Variants in KLRG1 observed in about 807,000 individuals in gnomAD.
KLRG1 encodes the protein killer cell lectin like receptor G1, also known as killer cell lectin-like receptor subfamily G member 1.
In KLRG1, 16 loss-of-function variants were observed where a neutral mutation model predicts 21.8. That is an observed-to-expected ratio of 0.73 (90% confidence interval 0.50 to 1.11). The LOEUF (loss-of-function observed/expected upper bound fraction) is 1.11. KLRG1 is among the 50% of genes most tolerant of loss of function. KLRG1 has a pLI of 0.00. For missense variants in KLRG1, 173 were observed against 218.3 expected (o/e 0.79, Z 1.31); for synonymous variants, 69 against 75.9 (o/e 0.91, Z 0.47).
the KLRG1 span, among the ~76,000 whole-genome samples, chr12:9,094,358 T>TATATATATATAC: frequency 6.9e-6 from 1 of 143,988 alleles, no homozygotes; most frequent in Admixed American, 6.9e-5. Context: ...TATATATATA[T>TATATATATATAC]ATATATATAT....
the KLRG1 span, chr12:9,101,157 C>T: frequency 1.3e-6 from 2 of 1,560,360 alleles, no homozygotes; most frequent in South Asian, 2.4e-5. Flanking sequence ...CTTCCTGCTT[C>T]ACAAGCAGTC....
At chr12:9,032,338 C>T in the KLRG1 span, among the ~76,000 whole-genome samples, 1 of 152,214 alleles carries the variant, frequency 6.6e-6, no homozygotes, top group African/African-American at 2.4e-5. Flanking sequence ...ACCAACAGCC[C>T]ATATCAGGAA....
chr12:9,215,036 C>T, the KLRG1 span, among the ~76,000 whole-genome samples: 11 of 151,974 alleles, frequency 7.2e-5, no homozygotes, highest in Non-Finnish European at 1.5e-4. Flanking sequence ...TTTTTTCCCT[C>T]TCATTCCATA....
At chr12:9,149,447 G>A in the KLRG1 span, 2 of 1,043,270 alleles carry the variant, frequency 1.9e-6, no homozygotes, top group African/African-American at 1.6e-5. Flanking sequence ...GTGAGGACAT[G>A]CCATGTGGAT....
chr12:9,067,945 C>G, the KLRG1 span: 8 of 1,155,548 alleles, frequency 6.9e-6, no homozygotes, highest in Non-Finnish European at 1.0e-5. Flanking sequence ...GAAACCTAAT[C>G]AGTACAGTGG....
intron 3 of KLRG1, among the ~76,000 whole-genome samples, chr12:9,006,150 C>G (rs932644548): frequency 3.3e-5 from 5 of 152,228 alleles, no homozygotes; most frequent in Non-Finnish European, 5.9e-5. Flanking sequence ...TTATCCTGCT[C>G]TGATCATTAC....
chr12:9,068,914 A>G, the KLRG1 span: 3 of 1,138,094 alleles, frequency 2.6e-6, no homozygotes, highest in Non-Finnish European at 3.7e-6. Flanking sequence ...TTAAGTATTC[A>G]CCTGTTTTTT....
chr12:9,020,940 TG>T, the KLRG1 span, among the ~76,000 whole-genome samples: 1 of 152,184 alleles, frequency 6.6e-6, no homozygotes, highest in South Asian at 2.1e-4. Flanking sequence ...ACTACATACC[TG>T]GGCTATATGG....
At chr12:9,136,326 T>A in the KLRG1 span, among the ~76,000 whole-genome samples, 2 of 152,326 alleles carry the variant, frequency 1.3e-5, no homozygotes, top group South Asian at 2.1e-4. Context: ...GTAAAAGTAT[T>A]TTCATCTATT....
chr12:9,106,612 A>C, the KLRG1 span: 1 of 1,462,368 alleles, frequency 6.8e-7, no homozygotes, highest in Non-Finnish European at 9.4e-7. Flanking sequence ...TTAGCTAAGA[A>C]GGGAGAAAAT....
the KLRG1 span, among the ~76,000 whole-genome samples, chr12:9,085,736 A>C: frequency 6.6e-6 from 1 of 152,098 alleles, no homozygotes; most frequent in Non-Finnish European, 1.5e-5. Flanking sequence ...TTAAAAAGAC[A>C]GACAAAAACT....
the KLRG1 span, chr12:9,169,056 T>G: frequency 2.1e-6 from 2 of 960,722 alleles, no homozygotes; most frequent in Non-Finnish European, 3.3e-6. Flanking sequence ...CTTCTCTATG[T>G]AATTCCAGTA....
the KLRG1 span, chr12:9,093,363 A>T: frequency 1.3e-6 from 1 of 754,892 alleles, no homozygotes; most frequent in South Asian, 1.6e-5. Context: ...CATGTTGTAC[A>T]TCATAAACAT....
intron 3 of KLRG1, among the ~76,000 whole-genome samples, chr12:8,998,664 G>A (rs549054634): frequency 2.9e-4 from 43 of 147,684 alleles, no homozygotes; most frequent in Non-Finnish European, 6.0e-4. Flanking sequence ...ACTCCAGCCT[G>A]GGCAACAGAG....
the KLRG1 span, chr12:9,166,057 T>C: frequency 4.4e-6 from 7 of 1,604,956 alleles, no homozygotes; most frequent in Non-Finnish European, 5.9e-6. Flanking sequence ...CTTACTTCAC[T>C]GCCACCAACT....
chr12:9,110,435 G>T, the KLRG1 span: 1 of 621,382 alleles, frequency 1.6e-6, no homozygotes, highest in Non-Finnish European at 2.6e-6. Flanking sequence ...AACAGGGTGA[G>T]TATAGTAAAA....
At chr12:9,073,059 AC>A in the KLRG1 span, among the ~76,000 whole-genome samples, 85 of 152,350 alleles carry the variant, frequency 5.6e-4, no homozygotes, top group Middle Eastern at 3.4e-3. Context: ...TCACATATCT[AC>A]CTTGGACTGT....
chr12:9,147,621 G>A, the KLRG1 span, among the ~76,000 whole-genome samples: 28,250 of 152,006 alleles, frequency 0.19, 2,981 homozygotes, highest in East Asian at 0.47. Flanking sequence ...TGTGGGACAG[G>A]GGGGAAGCCT....
the KLRG1 span, among the ~76,000 whole-genome samples, chr12:9,094,574 A>C: frequency 6.6e-6 from 1 of 152,040 alleles, no homozygotes; most frequent in African/African-American, 2.4e-5. Context: ...ATATGGGACT[A>C]TAAATAAATG....
Sources: gnomAD v4.1 joint callset for allele counts (sites outside exome capture counted in the v4.1 genomes callset) on GRCh38, gnomAD v4.1.1 for gene constraint, MANE v1.5 for transcripts, NCBI Gene and HGNC (gene_info 2026-07-23, HGNC 2026-07-21) for gene names.